Variants in CCDC91 observed in about 807,000 individuals in gnomAD.
CCDC91 encodes coiled-coil domain-containing protein 91.
In CCDC91, 48 loss-of-function variants were observed where a neutral mutation model predicts 63.2. That is an observed-to-expected ratio of 0.76 (90% CI 0.60 to 0.97). The LOEUF is 0.97. Ranked by LOEUF, CCDC91 falls within the 50% of genes least tolerant of loss-of-function variation. The pLI is 0.00. For synonymous variants in CCDC91, 167 were observed against 165.8 expected (o/e 1.01, Z -0.06); for missense variants, 500 against 494.6 (o/e 1.01, Z -0.10).
At chr12:28,538,783 T>C (rs1273915392) in intron 12 of CCDC91, among the ~76,000 whole-genome samples, 1 of 152,140 alleles carries the variant, frequency 6.6e-6, no homozygotes, top group African/African-American at 2.4e-5. Flanking sequence ...TTCCTGACTT[T>C]TTAATGATTG....
At chr12:28,307,587 C>T in intron 5 of CCDC91, 58 bp from the exon 6 acceptor site, 1 of 899,968 alleles carries the variant, frequency 1.1e-6, no homozygotes, top group Non-Finnish European at 1.7e-6. Flanking sequence ...ATTGAAAAAA[C>T]TAATTATATT....
intron 3 of CCDC91, among the ~76,000 whole-genome samples, chr12:28,295,316 C>CT (rs566545733): frequency 1.2e-3 from 179 of 151,782 alleles, no homozygotes; most frequent in African/African-American, 4.1e-3. Flanking sequence ...AAGACTTTAT[C>CT]TTTTTTTTGA....
At chr12:28,397,201 A>G (rs1271229345) in intron 8 of CCDC91, among the ~76,000 whole-genome samples, 4 of 152,142 alleles carry the variant, frequency 2.6e-5, no homozygotes, top group African/African-American at 9.7e-5. Context: ...AATAAACAAG[A>G]TAAGGACACA....
At chr12:28,333,258 G>C (rs889188384) in intron 6 of CCDC91, among the ~76,000 whole-genome samples, 1 of 151,914 alleles carries the variant, frequency 6.6e-6, no homozygotes, top group African/African-American at 2.4e-5. Context: ...AGCCAGGAGT[G>C]GTGGCAAGTG....
At chr12:28,473,721 T>C (rs895201599) in intron 11 of CCDC91, among the ~76,000 whole-genome samples, 1 of 152,118 alleles carries the variant, frequency 6.6e-6, no homozygotes, top group Admixed American at 6.6e-5. Flanking sequence ...CCAAGAAAAC[T>C]ACTCAAAAAT....
chr12:28,268,642 C>G, intron 3 of CCDC91: 1 of 985,038 alleles, frequency 1.0e-6, no homozygotes, highest in Non-Finnish European at 1.2e-6. Context: ...GGCCACAGAG[C>G]TATATCCAGG....
chr12:28,409,999 A>C (rs1947216900), intron 8 of CCDC91, among the ~76,000 whole-genome samples: 1 of 152,108 alleles, frequency 6.6e-6, no homozygotes, highest in South Asian at 2.1e-4. Flanking sequence ...AAGGTTGTAC[A>C]TTCTGGTGTT....
intron 12 of CCDC91, among the ~76,000 whole-genome samples, chr12:28,519,915 C>A (rs1940420157): frequency 6.6e-6 from 1 of 152,026 alleles, no homozygotes; most frequent in African/African-American, 2.4e-5. Flanking sequence ...TTTTTTATGG[C>A]TGCATAGTAT....
chr12:28,246,432 A>G (rs2136026661), intron 1 of CCDC91, among the ~76,000 whole-genome samples: 1 of 152,228 alleles, frequency 6.6e-6, no homozygotes, highest in African/African-American at 2.4e-5. Flanking sequence ...ATTGTGATAT[A>G]TTTGTAGACT....
chr12:28,377,523 G>A (rs1945024149), intron 7 of CCDC91, among the ~76,000 whole-genome samples: 1 of 151,732 alleles, frequency 6.6e-6, no homozygotes, highest in South Asian at 2.1e-4. Flanking sequence ...TATGTTTCTT[G>A]GCCCATCTGT....
At chr12:28,340,539 C>T (rs1413104468) in intron 6 of CCDC91, among the ~76,000 whole-genome samples, 1 of 152,208 alleles carries the variant, frequency 6.6e-6, no homozygotes, top group Non-Finnish European at 1.5e-5. Flanking sequence ...CTTCCATCTT[C>T]AAAGCCAGAA....
chr12:28,265,202 CCTTT>C (rs1397347687), intron 3 of CCDC91, among the ~76,000 whole-genome samples: 1 of 151,988 alleles, frequency 6.6e-6, no homozygotes, highest in Non-Finnish European at 1.5e-5. Context: ...TGAATAGTGT[CCTTT>C]CTAATATGTT....
Position 28,193,811 on chromosome 12 carries a change from C to T in CCDC91, c.-15+3170C>T, listed in dbSNP as rs555803629. 3.2e-4 allele frequency among the ~76,000 whole-genome samples: 48 copies of T among 152,232 alleles called. 1 individual carries two copies. The highest frequency in any genetic ancestry group is 1.4e-3 in the East Asian group (7 of 5,184). On this transcript the variant is annotated intron_variant, in intron 1 of 12. Coordinates refer to ENST00000536442, the MANE Select transcript of CCDC91 (RefSeq NM_018318.5). ...TGAATTTTTCTTCTAACATATTGAGCGTCTTTTCCTGTGCTATTATTTGCC... is the reference window on the plus strand; with the variant it reads ...TGAATTTTTCTTCTAACATATTGAGTGTCTTTTCCTGTGCTATTATTTGCC...
At chr12:28,369,748 G>A (rs895667444) in intron 7 of CCDC91, among the ~76,000 whole-genome samples, 4 of 152,166 alleles carry the variant, frequency 2.6e-5, no homozygotes, top group African/African-American at 9.7e-5. Context: ...CTAGGCAAAG[G>A]CTCCCAAATC....
chr12:28,540,238 T>C (rs1431356243), intron 12 of CCDC91, among the ~76,000 whole-genome samples: 1 of 152,176 alleles, frequency 6.6e-6, no homozygotes, highest in Non-Finnish European at 1.5e-5. Flanking sequence ...TTACAGATTC[T>C]TTAAGGCAAG....
chr12:28,283,470 T>A (rs1948729111), intron 3 of CCDC91, among the ~76,000 whole-genome samples: 1 of 152,028 alleles, frequency 6.6e-6, no homozygotes, highest in African/African-American at 2.4e-5. Context: ...TTTGCAGCTG[T>A]TGTAAATGGG....
At chr12:28,207,136 A>G (rs765270157) in intron 1 of CCDC91, among the ~76,000 whole-genome samples, 18 of 152,250 alleles carry the variant, frequency 1.2e-4, no homozygotes, top group Admixed American at 4.6e-4. Flanking sequence ...TCTATTGTTC[A>G]TAGAGACATA....
intron 12 of CCDC91, among the ~76,000 whole-genome samples, chr12:28,547,535 G>T (rs187463459): frequency 6.6e-6 from 1 of 152,058 alleles, no homozygotes; most frequent in African/African-American, 2.4e-5. Context: ...AGATTTCTGC[G>T]TACCTGGGTC....
At chr12:28,419,353 G>A (rs1379615106) in intron 8 of CCDC91, among the ~76,000 whole-genome samples, 1 of 152,040 alleles carries the variant, frequency 6.6e-6, no homozygotes, top group African/African-American at 2.4e-5. Flanking sequence ...TATCATGACG[G>A]TAAATATAAG....
Sources: gnomAD v4.1 joint callset for allele counts (sites outside exome capture counted in the v4.1 genomes callset) on GRCh38, gnomAD v4.1.1 for gene constraint, MANE v1.5 for transcripts, NCBI Gene and HGNC (gene_info 2026-07-23, HGNC 2026-07-21) for gene names.